LYRM4: variants seen among roughly 807,000 people sequenced by gnomAD.
LYRM4 encodes the protein LYR motif containing 4, also known as LYR motif-containing protein 4.
Under a neutral mutation model 11.7 loss-of-function variants are expected in LYRM4, and 9 were observed. That is an observed-to-expected ratio of 0.77 (90% CI 0.46 to 1.34). The LOEUF (loss-of-function observed/expected upper bound fraction) is 1.34, where lower values mean the gene tolerates loss of function less well. LYRM4 is among the 40% of genes most tolerant of loss of function. The probability of loss-of-function intolerance (pLI) is 0.00; values close to 1 mark genes in which losing one functional copy is unlikely to be tolerated. For missense variants in LYRM4, 133 were observed against 112.5 expected (o/e 1.18, Z -0.82); for synonymous variants, 42 against 40.4 (o/e 1.04, Z -0.15).
the LYRM4 span, among the ~76,000 whole-genome samples, chr6:5,040,775 T>C: frequency 1.3e-5 from 2 of 152,116 alleles, no homozygotes; most frequent in African/African-American, 2.4e-5. Flanking sequence ...TATGTACACC[T>C]ACTACGTATC....
intron 2 of LYRM4, among the ~76,000 whole-genome samples, chr6:5,198,442 A>C (rs553272573): frequency 2.1e-4 from 32 of 152,292 alleles, no homozygotes; most frequent in African/African-American, 6.0e-4. Flanking sequence ...TTTGATGTTA[A>C]AAAAATCAAC....
At chr6:5,157,106 A>G (rs533122504) in intron 2 of LYRM4, among the ~76,000 whole-genome samples, 16 of 152,312 alleles carry the variant, frequency 1.1e-4, no homozygotes, top group African/African-American at 3.9e-4. Context: ...AACCTAGCAA[A>G]AGAAAGAAGA....
chr6:5,120,016 T>G (rs1763351513), intron 2 of LYRM4, among the ~76,000 whole-genome samples: 1 of 151,834 alleles, frequency 6.6e-6, no homozygotes, highest in African/African-American at 2.4e-5. Context: ...TGCCTCAGCC[T>G]CCCGAGTAGC....
intron 1 of LYRM4, among the ~76,000 whole-genome samples, chr6:5,218,084 A>C (rs536968842): frequency 6.6e-6 from 1 of 151,734 alleles, no homozygotes; most frequent in African/African-American, 2.4e-5. Flanking sequence ...ATTAAAAAAA[A>C]TTTTGGGGGA....
At chr6:5,120,083 GA>G (rs1450150742) in intron 2 of LYRM4, among the ~76,000 whole-genome samples, 18 of 152,108 alleles carry the variant, frequency 1.2e-4, no homozygotes, top group Admixed American at 1.0e-3. Context: ...TTTTAGTAGA[GA>G]TGGGGTTTTG....
intron 1 of LYRM4, among the ~76,000 whole-genome samples, chr6:5,217,188 C>T (rs549808188): frequency 8.5e-5 from 13 of 152,220 alleles, no homozygotes; most frequent in Non-Finnish European, 1.6e-4. Flanking sequence ...GGTTACATGA[C>T]GATCGTATTT....
chr6:5,188,017 C>T (rs1158464605), intron 2 of LYRM4, among the ~76,000 whole-genome samples: 1 of 152,146 alleles, frequency 6.6e-6, no homozygotes, highest in African/African-American at 2.4e-5. Context: ...AAAAACTTTC[C>T]TGTTGCCTTT....
chr6:5,068,941 C>T, the LYRM4 span, among the ~76,000 whole-genome samples: 1 of 152,132 alleles, frequency 6.6e-6, no homozygotes, highest in Non-Finnish European at 1.5e-5. The surrounding 1 kb of genome is among the most constrained non-coding windows in gnomAD (Gnocchi z 4.0). Flanking sequence ...TCAATTTTAG[C>T]AGGATTCATG....
the LYRM4 span, among the ~76,000 whole-genome samples, chr6:5,092,945 T>G: frequency 1.2e-4 from 18 of 152,218 alleles, no homozygotes; most frequent in Admixed American, 5.9e-4. Flanking sequence ...TGCATTAGGA[T>G]TGTAAAAGCA....
At chr6:5,237,351 T>A (rs1426697589) in intron 1 of LYRM4, among the ~76,000 whole-genome samples, 1 of 151,766 alleles carries the variant, frequency 6.6e-6, no homozygotes, top group African/African-American at 2.4e-5. Context: ...CCTATGAGAA[T>A]CTAACGCCTG....
At chr6:5,215,478 T>G (rs1762223547) in intron 2 of LYRM4, among the ~76,000 whole-genome samples, 1 of 152,232 alleles carries the variant, frequency 6.6e-6, no homozygotes, top group Non-Finnish European at 1.5e-5. Flanking sequence ...TAGGCCTGTC[T>G]GAGTGTGGCA....
At chr6:5,259,533 T>C (rs1346247453) in intron 1 of LYRM4, among the ~76,000 whole-genome samples, 2 of 152,076 alleles carry the variant, frequency 1.3e-5, no homozygotes, top group Non-Finnish European at 2.9e-5. Context: ...AATTTGAGAG[T>C]CATTGCTTAA....
chr6:5,258,084 T>C (rs954280637), intron 1 of LYRM4, among the ~76,000 whole-genome samples: 2 of 152,120 alleles, frequency 1.3e-5, no homozygotes, highest in African/African-American at 2.4e-5. Flanking sequence ...ACAGTACTTG[T>C]AAAGGCCTGG....
At chr6:5,240,343 G>A (rs1022513509) in intron 1 of LYRM4, among the ~76,000 whole-genome samples, 1 of 152,020 alleles carries the variant, frequency 6.6e-6, no homozygotes, top group Non-Finnish European at 1.5e-5. Flanking sequence ...TTTGGAATAT[G>A]GCATGTACCC....
At chr6:5,223,807 C>T (rs962561326) in intron 1 of LYRM4, among the ~76,000 whole-genome samples, 44 of 152,164 alleles carry the variant, frequency 2.9e-4, no homozygotes, top group Admixed American at 1.6e-3. Flanking sequence ...GTGAAATTAC[C>T]ATGAGAAAAT....
At chr6:5,074,803 G>C in the LYRM4 span, among the ~76,000 whole-genome samples, 1 of 152,138 alleles carries the variant, frequency 6.6e-6, no homozygotes, top group East Asian at 1.9e-4. Flanking sequence ...GGTGATGGTG[G>C]TCATAATGGT....
At chr6:5,185,071 C>G (rs1279422020) in intron 2 of LYRM4, among the ~76,000 whole-genome samples, 1 of 152,172 alleles carries the variant, frequency 6.6e-6, no homozygotes, top group Admixed American at 6.5e-5. Context: ...TTGTCTTCCC[C>G]AGCCCCTGTA....
At chr6:5,081,736 T>C in the LYRM4 span, among the ~76,000 whole-genome samples, 9 of 152,398 alleles carry the variant, frequency 5.9e-5, no homozygotes, top group African/African-American at 1.7e-4. Flanking sequence ...TATTTTGTTG[T>C]AACATAATTG....
chr6:5,080,236 C>G, the LYRM4 span, among the ~76,000 whole-genome samples: 5 of 152,160 alleles, frequency 3.3e-5, no homozygotes, highest in African/African-American at 1.2e-4. Context: ...ATATCTGAGT[C>G]CAAACTGTCC....
Sources: allele counts gnomAD v4.1 joint callset (sites outside exome capture counted in the v4.1 genomes callset), GRCh38; gene constraint gnomAD v4.1.1; non-coding constraint Gnocchi (gnomAD v3.1); transcripts MANE v1.5; gene names NCBI Gene and HGNC (gene_info 2026-07-23, HGNC 2026-07-21).